The following NRCAM variants were observed in gnomAD, a reference collection of about 807,000 sequenced individuals.
NRCAM encodes neuronal cell adhesion molecule, also known as NgCAM-related cell adhesion molecule.
A neutral mutation model predicts 156.5 loss-of-function variants in NRCAM; 83 were observed. That is an observed-to-expected ratio of 0.53 (90% CI 0.44 to 0.64). NRCAM has a LOEUF of 0.64. Among genes scored for constraint, NRCAM ranks in the 30% least tolerant of loss-of-function variants. The pLI is 0.00. For synonymous variants in NRCAM, 538 were observed against 563.9 expected (o/e 0.95, Z 0.65); for missense variants, 1,417 against 1,597.3 (o/e 0.89, Z 1.92).
intron 2 of NRCAM, among the ~76,000 whole-genome samples, chr7:108,353,645 T>C (rs1032150674): frequency 2.6e-5 from 4 of 152,244 alleles, no homozygotes; most frequent in East Asian, 1.9e-4. Flanking sequence ...GTATGATTTA[T>C]TGTCTGTTCC....
intron 2 of NRCAM, among the ~76,000 whole-genome samples, chr7:108,346,278 A>T (rs959113984): frequency 3.3e-5 from 5 of 152,210 alleles, no homozygotes; most frequent in Non-Finnish European, 7.3e-5. Context: ...CTTGTTTAAG[A>T]ATCGAAATTT....
rs540725832 is a variant in NRCAM at position 108,381,720 on chromosome 7, C to T, written c.-174+17716G>A. Among the ~76,000 whole-genome samples, 19 of 151,982 alleles carry T rather than the reference C, an allele frequency of 1.3e-4. No homozygotes were observed. In the South Asian group the frequency reaches 2.9e-3, roughly 23 times the overall value. On this transcript the variant is annotated intron_variant, in intron 2 of 32. Coordinates refer to ENST00000379028, the MANE Select transcript of NRCAM (RefSeq NM_001037132.4). ...GATTACAGGCATGTACCACCATGCC[C>T]GGCTAATTTTTTGTATTTTTAATAG...
chr7:108,384,683 C>T (rs1417639697), intron 2 of NRCAM, among the ~76,000 whole-genome samples: 1 of 152,214 alleles, frequency 6.6e-6, no homozygotes, highest in African/African-American at 2.4e-5. Context: ...CCTGTTAAAA[C>T]ACATGCTCTG....
intron 7 of NRCAM, among the ~76,000 whole-genome samples, chr7:108,231,926 G>C (rs1366891293): frequency 1.3e-5 from 2 of 152,140 alleles, no homozygotes; most frequent in Non-Finnish European, 2.9e-5. Context: ...TCCACTTCCA[G>C]TAAAATTTTG....
chr7:108,324,760 C>T (rs1173880623), intron 2 of NRCAM, among the ~76,000 whole-genome samples: 1 of 151,966 alleles, frequency 6.6e-6, no homozygotes, highest in Non-Finnish European at 1.5e-5. Flanking sequence ...AATAGCAGTG[C>T]ACAAAACCAT....
intron 2 of NRCAM, among the ~76,000 whole-genome samples, chr7:108,316,737 CA>C (rs2098929199): frequency 6.7e-6 from 1 of 149,480 alleles, no homozygotes; most frequent in South Asian, 2.1e-4. Flanking sequence ...TGCAGTGAGC[CA>C]AGATCACACC....
At chr7:108,198,884 T>A (rs572765042) in intron 13 of NRCAM, among the ~76,000 whole-genome samples, 1 of 152,270 alleles carries the variant, frequency 6.6e-6, no homozygotes, top group East Asian at 1.9e-4. Flanking sequence ...CTTACTGAAG[T>A]GGAATAGAAC....
In NRCAM at chr7:108,354,290, T is replaced by G. The variant is rs901075352; in HGVS notation, c.-173-41559A>C. On this transcript the variant is annotated intron_variant, in intron 2 of 32. Transcript: ENST00000379028. Reference sequence around the variant, plus strand: ...TACATGCTCCTTCATTAAATACTCATTCGAAGTGACTACTCATTATCTTAG... The same window carrying G: ...TACATGCTCCTTCATTAAATACTCAGTCGAAGTGACTACTCATTATCTTAG... Among the ~76,000 whole-genome samples, 6 of 152,224 alleles carry G rather than the reference T, an allele frequency of 3.9e-5. No individual in the cohort carries two copies. The East Asian group carries it at 1.2e-3, about 29-fold the overall frequency.
intron 2 of NRCAM, among the ~76,000 whole-genome samples, chr7:108,342,453 C>T (rs2080488): frequency 3.9e-5 from 6 of 152,174 alleles, no homozygotes; most frequent in African/African-American, 9.7e-5. Context: ...TTCCCAGGTA[C>T]GGCGAAATAG....
chr7:108,445,139 T>G (rs1012275352), intron 1 of NRCAM, among the ~76,000 whole-genome samples: 2 of 152,250 alleles, frequency 1.3e-5, no homozygotes, highest in African/African-American at 4.8e-5. Context: ...AACAAAATTA[T>G]TGACTGTCCT....
chr7:108,276,494 T>G (rs1272685359), intron 3 of NRCAM, among the ~76,000 whole-genome samples: 1 of 152,148 alleles, frequency 6.6e-6, no homozygotes, highest in Non-Finnish European at 1.5e-5. Context: ...GTAATGGCCT[T>G]CTTTGTCTCT....
intron 1 of NRCAM, among the ~76,000 whole-genome samples, chr7:108,404,569 A>C (rs1052535665): frequency 6.6e-6 from 1 of 152,236 alleles, no homozygotes; most frequent in Non-Finnish European, 1.5e-5. Flanking sequence ...TGTAATTCTT[A>C]GTCCACATCC....
chr7:108,163,706 T>C (rs2050962065), intron 30 of NRCAM, among the ~76,000 whole-genome samples: 1 of 150,678 alleles, frequency 6.6e-6, no homozygotes, highest in African/African-American at 2.4e-5. Flanking sequence ...TCATACCAGA[T>C]GGGGTGGCAC....
intron 2 of NRCAM, among the ~76,000 whole-genome samples, chr7:108,388,188 G>C (rs1478855499): frequency 6.6e-6 from 1 of 152,142 alleles, no homozygotes; most frequent in Non-Finnish European, 1.5e-5. Context: ...GTGTAAAAGT[G>C]TTCCTATTTC....
intron 3 of NRCAM, among the ~76,000 whole-genome samples, chr7:108,272,968 A>G (rs902893662): frequency 6.6e-6 from 1 of 151,630 alleles, no homozygotes; most frequent in Non-Finnish European, 1.5e-5. Context: ...TCATTGTTCA[A>G]CTCCCACTTA....
At chr7:108,260,462 G>T (rs1222675886) in intron 3 of NRCAM, among the ~76,000 whole-genome samples, 1 of 152,174 alleles carries the variant, frequency 6.6e-6, no homozygotes, top group Non-Finnish European at 1.5e-5. Flanking sequence ...GAGCCAATAT[G>T]GAGGAGTACT....
intron 3 of NRCAM, among the ~76,000 whole-genome samples, chr7:108,270,430 A>T (rs536690478): frequency 3.9e-5 from 6 of 152,346 alleles, no homozygotes; most frequent in African/African-American, 1.4e-4. Flanking sequence ...TTTCACAGTT[A>T]AATCTGAAAC....
At chr7:108,288,824 G>T (rs544684235) in intron 3 of NRCAM, among the ~76,000 whole-genome samples, 1 of 152,194 alleles carries the variant, frequency 6.6e-6, no homozygotes, top group South Asian at 2.1e-4. Flanking sequence ...GAATTTGTTT[G>T]TGATTTTTAT....
At chr7:108,169,886 T>C (rs952379028) in intron 28 of NRCAM, among the ~76,000 whole-genome samples, 1 of 151,898 alleles carries the variant, frequency 6.6e-6, no homozygotes, top group African/African-American at 2.4e-5. Flanking sequence ...GGCAGAAACA[T>C]AATACTTCTA....
Sources: gnomAD v4.1 joint callset for allele counts (sites outside exome capture counted in the v4.1 genomes callset) on GRCh38, gnomAD v4.1.1 for gene constraint, MANE v1.5 for transcripts, NCBI Gene and HGNC (gene_info 2026-07-23, HGNC 2026-07-21) for gene names.